CCM2L: variants seen among roughly 807,000 people sequenced by gnomAD.
CCM2L encodes cerebral cavernous malformations 2 protein-like.
CCM2L carries 36 observed loss-of-function variants against 54.1 expected under a neutral mutation model. That is an observed-to-expected ratio of 0.67 (90% CI 0.51 to 0.88). The LOEUF (loss-of-function observed/expected upper bound fraction) is 0.88. CCM2L is among the 40% of genes least tolerant of loss of function. The pLI, the probability that CCM2L is intolerant of heterozygous loss-of-function variation, is 0.00. For synonymous variants in CCM2L, 351 were observed against 359.3 expected (o/e 0.98, Z 0.26); for missense variants, 700 against 812.1 (o/e 0.86, Z 1.68).
At position 32,022,683 on chromosome 20, in the gene CCM2L, A is replaced by T. The variant is rs2064816027; in HGVS notation, c.957A>T (p.Ala319=). Residue 319 remains alanine, a synonymous_variant, in exon 6 of 10, where the codon GCA becomes GCT. Transcript: ENST00000452892. The part of the protein sequence containing the change: ...ANRDAAEESC[A]LICQVFQIIY... ...AGGACGCTGCAGAGGAGTCCTGCGC[A>T]CTCATCTGTCAGGTCTTCCAGATCA... 1.7e-5 allele frequency: 27 copies of T among 1,614,192 alleles called. No individual in the cohort carries two copies. The highest frequency in any genetic ancestry group is 2.3e-5 in the Non-Finnish European group (27 of 1,180,024).
At chr20:32,023,755 G>A (rs968943457) in intron 6 of CCM2L, among the ~76,000 whole-genome samples, 8 of 152,288 alleles carry the variant, frequency 5.3e-5, no homozygotes, top group Non-Finnish European at 1.0e-4. Flanking sequence ...TGTTTGAGAC[G>A]GAGTCTCACT....
chr20:32,028,916 G>A (rs1340920338), intron 7 of CCM2L, 79 bp from the exon 8 acceptor site: 3 of 1,578,384 alleles, frequency 1.9e-6, no homozygotes, highest in Non-Finnish European at 2.6e-6. Context: ...AGTCTAGGAT[G>A]AGGCCTCCTA....
At chr20:32,018,697 G>A (rs1339028168) in intron 4 of CCM2L, among the ~76,000 whole-genome samples, 1 of 152,132 alleles carries the variant, frequency 6.6e-6, no homozygotes, top group East Asian at 1.9e-4. Context: ...GGGCGCAGGC[G>A]TCGTGGGGAG....
intron 7 of CCM2L, 108 bp downstream of exon 7, chr20:32,026,027 C>G (rs1460367235): frequency 1.3e-6 from 1 of 773,610 alleles, no homozygotes; most frequent in Non-Finnish European, 1.9e-6. Context: ...TGTGCTGAGA[C>G]ACTGGGCACT....
Position 32,015,050 on chromosome 20 carries a change from C to T in CCM2L, c.177C>T (p.Asp59=). The T allele has an allele frequency of 6.5e-7, 1 of 1,527,200 alleles. No homozygotes were observed. Among genetic ancestry groups the T allele is most frequent in the Non-Finnish European group, 8.8e-7 (1 of 1,140,208 alleles). 94.6% of individuals were successfully genotyped at this position (1,527,200 alleles called of 1,614,324 possible). A position where few individuals can be genotyped will look rare whatever the true frequency, so the allele number is the denominator to read the frequency against. The change falls in exon 2 of 10, where the codon GAC becomes GAT. Residue 59 remains aspartate, a synonymous_variant. Transcript: ENST00000452892. ...TCGACCCCCAGATTCTGCTGTGTGACTACCTGGAGAAAGAGGTCAAGGTGC... is the reference window on the plus strand; with the variant it reads ...TCGACCCCCAGATTCTGCTGTGTGATTACCTGGAGAAAGAGGTCAAGGTGC... ...YLIDPQILLC[D]YLEKEVKFLG...
chr20:32,028,765 TGAGGAGATAGTA>T, intron 7 of CCM2L: 1 of 504,068 alleles, frequency 2.0e-6, no homozygotes. Context: ...CACCCAGAGG[TGAGGAGATAGTA>T]GAGGAAGAAG....
At chr20:32,021,905 C>G (rs1210251122) in intron 5 of CCM2L, among the ~76,000 whole-genome samples, 1 of 152,180 alleles carries the variant, frequency 6.6e-6, no homozygotes, top group Non-Finnish European at 1.5e-5. Flanking sequence ...AATGCCTATC[C>G]TGGGTTACGT....
At chr20:32,020,174 A>T (rs1200034802) in intron 5 of CCM2L, among the ~76,000 whole-genome samples, 2 of 152,222 alleles carry the variant, frequency 1.3e-5, no homozygotes, top group Non-Finnish European at 2.9e-5. Flanking sequence ...AGTTCTGAGC[A>T]TTCTAAGCTT....
Position 32,029,029 on chromosome 20 carries a change from A to G in CCM2L, c.1168A>G (p.Ser390Gly). 1 of 1,614,202 alleles carries G rather than the reference A, an allele frequency of 6.2e-7. No individual in the cohort carries two copies. The highest frequency in any genetic ancestry group is 8.5e-7 in the Non-Finnish European group (1 of 1,180,022). ...GSQDTFEACY[S>G]GTSTPSFHGS... ...CCAGGACACCTTTGAAGCATGTTAC[A>G]GCGGCACGTCCACACCTTCTTTCCA... is the stretch of plus-strand genomic sequence containing the variant. Residue 390 changes from serine to glycine, a missense_variant, in exon 8 of 10, where the codon AGC becomes GGC. By Grantham distance (56) the Ser-to-Gly change is moderately conservative (BLOSUM62 0). Coordinates refer to ENST00000452892, the MANE Select transcript of CCM2L (RefSeq NM_001365692.1).
In CCM2L at chr20:32,014,950, G is replaced by A. The variant is rs762478006; in HGVS notation, c.77G>A (p.Arg26His). The change falls in exon 2 of 10, where the codon CGC becomes CAC. Residue 26 changes from arginine (R) to histidine (H), a missense_variant. Coordinates refer to ENST00000452892, the MANE Select transcript of CCM2L (RefSeq NM_001365692.1). Reference protein sequence around the residue: ...IRRLVFPKAGRRAACRSSVSR... With the variant: ...IRRLVFPKAGHRAACRSSVSR... ...AGGCTGGTGTTCCCCAAGGCCGGGC[G>A]CCGGGCAGCCTGTAGGAGCAGCGTG... The A allele has an allele frequency of 6.9e-6, 11 of 1,600,966 alleles. No homozygotes were observed. The highest frequency in any genetic ancestry group is 5.5e-5 in the South Asian group (5 of 90,284).
chr20:32,011,325 C>T (rs1017896088), intron 1 of CCM2L, among the ~76,000 whole-genome samples: 7 of 152,234 alleles, frequency 4.6e-5, no homozygotes, highest in African/African-American at 1.7e-4. Flanking sequence ...CATAGAAGGG[C>T]CGGGTGCAGT....
chr20:32,022,549 G>T, intron 5 of CCM2L, 111 bp from the exon 6 acceptor site: 2 of 1,267,710 alleles, frequency 1.6e-6, no homozygotes, highest in Middle Eastern at 2.0e-4. Flanking sequence ...AATTTAAAGG[G>T]CTCTATAGGT....
At chr20:32,021,252 C>T (rs1171777828) in intron 5 of CCM2L, among the ~76,000 whole-genome samples, 1 of 152,196 alleles carries the variant, frequency 6.6e-6, no homozygotes, top group East Asian at 1.9e-4. Flanking sequence ...AGCCACCATG[C>T]CCACTTCCTC....
chr20:32,029,928 CCTT>C, intron 9 of CCM2L, 90 bp downstream of exon 9: 1 of 1,382,866 alleles, frequency 7.2e-7, no homozygotes, highest in Non-Finnish European at 9.5e-7. Flanking sequence ...AATGTTTTCT[CCTT>C]ATCTTTCAGC....
At chr20:32,021,700 C>T (rs1233867719) in intron 5 of CCM2L, among the ~76,000 whole-genome samples, 1 of 152,008 alleles carries the variant, frequency 6.6e-6, no homozygotes, top group Non-Finnish European at 1.5e-5. Context: ...TTATCTGAGT[C>T]ATCCTGGTCC....
intron 7 of CCM2L, 67 bp from the exon 8 acceptor site, chr20:32,028,928 C>A: frequency 6.2e-7 from 1 of 1,601,818 alleles, no homozygotes; most frequent in South Asian, 1.1e-5. Context: ...GGCCTCCTAC[C>A]TTCAGCCTGC....
In CCM2L at chr20:32,031,227, G is replaced by A. The variant is rs915971637; in HGVS notation, c.1629G>A (p.Ala543=). The change falls in exon 10 of 10, where the codon GCG becomes GCA. Residue 543 remains alanine (A), a synonymous_variant. Transcript: ENST00000452892. Reference sequence around the variant, plus strand: ...CTGACATCACGCACGACATCGAGGCGCTGGCCCCCGATGACGACGACGACG... The same window carrying A: ...CTGACATCACGCACGACATCGAGGCACTGGCCCCCGATGACGACGACGACG... ...LLADITHDIE[A]LAPDDDDDDE... 1.2e-5 allele frequency: 15 copies of A among 1,299,548 alleles called. No individual in the cohort carries two copies. The highest frequency in any genetic ancestry group is 1.5e-5 in the Non-Finnish European group (15 of 988,544). The allele number at this position is 1,299,548 out of a possible 1,614,324, so 80.5% of individuals were successfully genotyped here. A position where few individuals can be genotyped will look rare whatever the true frequency, so the allele number is the denominator to read the frequency against.
At chr20:32,017,765 C>T (rs766509232) in intron 2 of CCM2L, 35 bp from the exon 3 acceptor site, 12 of 1,571,088 alleles carry the variant, frequency 7.6e-6, no homozygotes, top group Non-Finnish European at 8.8e-6. Context: ...AGGGTGACAT[C>T]TCTGTGTCCT....
intron 2 of CCM2L, among the ~76,000 whole-genome samples, chr20:32,017,590 C>T (rs2064750793): frequency 6.6e-6 from 1 of 152,196 alleles, no homozygotes; most frequent in South Asian, 2.1e-4. Context: ...TTTTCTCATC[C>T]TTAAAGCAAG....
Sources: gnomAD v4.1 joint callset for allele counts (sites outside exome capture counted in the v4.1 genomes callset) on GRCh38, gnomAD v4.1.1 for gene constraint, MANE v1.5 for transcripts, NCBI Gene and HGNC (gene_info 2026-07-23, HGNC 2026-07-21) for gene names.